The following KCNIP4 variants were observed in gnomAD, a reference collection of about 807,000 sequenced individuals.
KCNIP4 encodes the protein Kv channel-interacting protein 4.
In KCNIP4, 12 loss-of-function variants were observed where a neutral mutation model predicts 34.0. The ratio of observed to expected loss-of-function variants is 0.35; its 90% CI spans 0.23 to 0.57. The LOEUF is 0.57. Ranked by LOEUF, KCNIP4 falls within the 20% of genes least tolerant of loss-of-function variation. The pLI, the probability that KCNIP4 is intolerant of heterozygous loss-of-function variation, is 0.83. For synonymous variants in KCNIP4, 124 were observed against 102.2 expected, an observed-to-expected ratio of 1.21 and a Z score of -1.29; for missense variants, 238 against 311.7, an observed-to-expected ratio of 0.76 and a Z score of 1.78.
intron 3 of KCNIP4, among the ~76,000 whole-genome samples, chr4:20,770,949 T>TAAAC (rs34207680): frequency 0.067 from 10,199 of 151,842 alleles, 491 homozygotes; most frequent in East Asian, 0.2. Flanking sequence ...AATAAATAAA[T>TAAAC]AAACAAACAA....
chr4:21,047,605 C>T lies in KCNIP4; in HGVS notation c.62-164896G>A, dbSNP rs184526011. 2.6e-3 allele frequency among the ~76,000 whole-genome samples: 390 copies of T among 152,236 alleles called. 1 individual carries two copies. Among genetic ancestry groups the T allele is most frequent in the African/African-American group, 9.1e-3 (378 of 41,552 alleles). Reference sequence around the variant, plus strand: ...ACTCCAAACGTATGTATCATCACCCCCAATGCTAGAAAAGTATCTAAGAAG... The same window carrying T: ...ACTCCAAACGTATGTATCATCACCCTCAATGCTAGAAAAGTATCTAAGAAG... On this transcript the variant is annotated intron_variant, in intron 1 of 8. Transcript: ENST00000382152.
chr4:20,972,059 T>G (rs1735007136), intron 1 of KCNIP4, among the ~76,000 whole-genome samples: 1 of 152,220 alleles, frequency 6.6e-6, no homozygotes, highest in Non-Finnish European at 1.5e-5. Context: ...GAGATTCCAG[T>G]AATTCAGTTA....
chr4:21,790,728 GC>G (rs1303574062), intron 1 of KCNIP4, among the ~76,000 whole-genome samples: 5 of 151,932 alleles, frequency 3.3e-5, no homozygotes, highest in African/African-American at 1.2e-4. Context: ...CTTAATCATT[GC>G]CTTATAATCT....
chr4:21,502,120 A>G (rs773457938), intron 1 of KCNIP4, among the ~76,000 whole-genome samples: 14 of 152,086 alleles, frequency 9.2e-5, no homozygotes, highest in Non-Finnish European at 1.8e-4. Flanking sequence ...AAGGTTCAAA[A>G]TTATGAGAGC....
At chr4:21,057,848 T>G (rs1743557091) in intron 1 of KCNIP4, among the ~76,000 whole-genome samples, 1 of 152,208 alleles carries the variant, frequency 6.6e-6, no homozygotes, top group Admixed American at 6.5e-5. Flanking sequence ...CATTGAAAAC[T>G]GAGGTTCTCA....
intron 4 of KCNIP4, among the ~76,000 whole-genome samples, chr4:20,754,910 A>G (rs765012327): frequency 2.0e-5 from 3 of 152,234 alleles, no homozygotes; most frequent in Admixed American, 6.5e-5. Context: ...GTGCTTTGAT[A>G]TTAATGCCTA....
intron 1 of KCNIP4, among the ~76,000 whole-genome samples, chr4:21,540,321 A>G (rs1179094468): frequency 6.6e-6 from 1 of 152,186 alleles, no homozygotes; most frequent in Admixed American, 6.5e-5. Flanking sequence ...TCACACTGTC[A>G]CCTGACAACC....
At chr4:21,856,057 G>T (rs1724732607) in intron 1 of KCNIP4, among the ~76,000 whole-genome samples, 1 of 152,190 alleles carries the variant, frequency 6.6e-6, no homozygotes. Flanking sequence ...ACTAGTAGCT[G>T]CCTCATAAGG....
intron 1 of KCNIP4, among the ~76,000 whole-genome samples, chr4:21,362,978 G>A (rs561126749): frequency 2.0e-5 from 3 of 152,166 alleles, no homozygotes; most frequent in African/African-American, 4.8e-5. Context: ...AGTTAATAAC[G>A]ATGGTAATCA....
chr4:21,286,072 A>T (rs1763104091), intron 1 of KCNIP4, among the ~76,000 whole-genome samples: 1 of 152,194 alleles, frequency 6.6e-6, no homozygotes, highest in Non-Finnish European at 1.5e-5. Flanking sequence ...CTTCTTTGCC[A>T]TTTACATGTA....
At chr4:21,155,767 G>A (rs1396956926) in intron 1 of KCNIP4, among the ~76,000 whole-genome samples, 4 of 152,180 alleles carry the variant, frequency 2.6e-5, no homozygotes, top group Admixed American at 1.3e-4. Context: ...GGGGCAGAAT[G>A]AGTGGACTAG....
At chr4:21,148,012 C>T (rs901778858) in intron 1 of KCNIP4, among the ~76,000 whole-genome samples, 3 of 138,152 alleles carry the variant, frequency 2.2e-5, no homozygotes, top group Admixed American at 7.2e-5. Context: ...TTAAAAAAAT[C>T]AAGTACTATT....
At chr4:20,834,859 T>C (rs745836988) in intron 3 of KCNIP4, among the ~76,000 whole-genome samples, 1 of 152,162 alleles carries the variant, frequency 6.6e-6, no homozygotes, top group Non-Finnish European at 1.5e-5. Flanking sequence ...AGTTGCGCCA[T>C]AGAGAATGAG....
intron 1 of KCNIP4, among the ~76,000 whole-genome samples, chr4:20,988,430 A>T (rs552777709): frequency 1.3e-5 from 2 of 152,282 alleles, no homozygotes; most frequent in East Asian, 3.9e-4. Flanking sequence ...AATAATCTCA[A>T]ATGGGATGAT....
chr4:20,904,991 T>C (rs1233577853), intron 1 of KCNIP4, among the ~76,000 whole-genome samples: 1 of 152,186 alleles, frequency 6.6e-6, no homozygotes, highest in Non-Finnish European at 1.5e-5. Flanking sequence ...AGACAGTTTT[T>C]TCAGCCCAGT....
intron 1 of KCNIP4, among the ~76,000 whole-genome samples, chr4:21,015,532 AAT>A (rs573703777): frequency 7.4e-6 from 1 of 135,168 alleles, no homozygotes; most frequent in South Asian, 2.2e-4. Flanking sequence ...TATAATATAT[AAT>A]ATATTATATT....
At chr4:21,352,354 G>A (rs1023448701) in intron 1 of KCNIP4, among the ~76,000 whole-genome samples, 2 of 152,166 alleles carry the variant, frequency 1.3e-5, no homozygotes, top group Non-Finnish European at 2.9e-5. Context: ...AAGGGGTCAG[G>A]AGATTTCCCT....
intron 1 of KCNIP4, among the ~76,000 whole-genome samples, chr4:20,949,992 A>G (rs1732606705): frequency 6.6e-6 from 1 of 151,672 alleles, no homozygotes; most frequent in South Asian, 2.1e-4. Context: ...CATGTACCCT[A>G]AAACTTAAAG....
chr4:21,416,329 T>C (rs899805613), intron 1 of KCNIP4, among the ~76,000 whole-genome samples: 27 of 152,178 alleles, frequency 1.8e-4, no homozygotes, highest in Non-Finnish European at 7.3e-5. Context: ...TGTAAAGATG[T>C]GGCATGTCTA....
Sources: gnomAD v4.1 joint callset for allele counts (sites outside exome capture counted in the v4.1 genomes callset) on GRCh38, gnomAD v4.1.1 for gene constraint, MANE v1.5 for transcripts, NCBI Gene and HGNC (gene_info 2026-07-23, HGNC 2026-07-21) for gene names.